SGCZ: variants seen among roughly 807,000 people sequenced by gnomAD.
SGCZ encodes zeta-sarcoglycan.
Under a neutral mutation model 41.3 loss-of-function variants are expected in SGCZ, and 40 were observed. The observed-to-expected ratio is 0.97, with a 90% CI of 0.75 to 1.26. The LOEUF is 1.26. SGCZ is among the 50% of genes most tolerant of loss of function. The pLI is 0.00. For synonymous variants in SGCZ, 206 were observed against 137.5 expected, an observed-to-expected ratio of 1.50 and a Z score of -3.49; for missense variants, 552 against 369.8, an observed-to-expected ratio of 1.49 and a Z score of -4.04.
At chr8:15,114,745 G>GTT (rs1010724118) in intron 1 of SGCZ, among the ~76,000 whole-genome samples, 5 of 149,238 alleles carry the variant, frequency 3.4e-5, no homozygotes, top group African/African-American at 1.2e-4. Flanking sequence ...AGATACAAGC[G>GTT]TTTTCTTTTT....
intron 1 of SGCZ, among the ~76,000 whole-genome samples, chr8:14,811,917 T>C (rs1801749684): frequency 6.6e-6 from 1 of 152,170 alleles, no homozygotes; most frequent in East Asian, 1.9e-4. Context: ...TAAGTAATTA[T>C]AACTATTTTC....
At chr8:14,557,657 C>A (rs1804074335) in intron 1 of SGCZ, among the ~76,000 whole-genome samples, 1 of 151,934 alleles carries the variant, frequency 6.6e-6, no homozygotes, top group South Asian at 2.1e-4. Context: ...TGCCAATTAC[C>A]CCCACACCAT....
intron 1 of SGCZ, among the ~76,000 whole-genome samples, chr8:14,676,885 T>A (rs1808295511): frequency 6.6e-6 from 1 of 152,178 alleles, no homozygotes; most frequent in Non-Finnish European, 1.5e-5. Context: ...CTACCAGATT[T>A]ACTGCAAAGA....
intron 2 of SGCZ, among the ~76,000 whole-genome samples, chr8:14,377,357 T>C (rs1464650888): frequency 6.6e-6 from 1 of 152,148 alleles, no homozygotes; most frequent in African/African-American, 2.4e-5. Context: ...TTGCCCTATG[T>C]GTCTCCTTCA....
intron 2 of SGCZ, among the ~76,000 whole-genome samples, chr8:14,360,332 A>T (rs1209130888): frequency 3.4e-5 from 5 of 146,850 alleles, no homozygotes; most frequent in African/African-American, 1.0e-4. Flanking sequence ...AAAATTTGTA[A>T]TTTTTTTTTT....
intron 1 of SGCZ, among the ~76,000 whole-genome samples, chr8:14,580,027 G>C (rs1477460568): frequency 6.6e-6 from 1 of 152,214 alleles, no homozygotes; most frequent in Non-Finnish European, 1.5e-5. Context: ...CTGAAGGCCT[G>C]TTTGGCTGAA....
chr8:14,261,681 A>G (rs1189987202), intron 3 of SGCZ, among the ~76,000 whole-genome samples: 2 of 152,174 alleles, frequency 1.3e-5, no homozygotes, highest in Admixed American at 1.3e-4. Flanking sequence ...ATACCAACCA[A>G]GCAATGTAAA....
chr8:14,582,380 A>G (rs1804919969), intron 1 of SGCZ, among the ~76,000 whole-genome samples: 1 of 152,118 alleles, frequency 6.6e-6, no homozygotes, highest in Non-Finnish European at 1.5e-5. Context: ...TTACAAATGA[A>G]GTGTGTATTT....
chr8:15,214,161 C>T lies in SGCZ; in HGVS notation c.39+23424G>A, dbSNP rs569524114. On this transcript the variant is annotated intron_variant, in intron 1 of 7. Transcript: ENST00000382080. ...AATTTTTATATAATAATAAGTTAGGCACCAAAAGTGGCATTGAAATATTTA... is the reference window on the plus strand; with the variant it reads ...AATTTTTATATAATAATAAGTTAGGTACCAAAAGTGGCATTGAAATATTTA... Among the ~76,000 whole-genome samples the T allele has an allele frequency of 6.6e-5, 10 of 151,944 alleles. No homozygotes were observed. The South Asian group carries it at 2.1e-3, about 31-fold the overall frequency.
At chr8:14,949,492 C>T (rs1279472395) in intron 1 of SGCZ, among the ~76,000 whole-genome samples, 2 of 152,024 alleles carry the variant, frequency 1.3e-5, no homozygotes, top group Admixed American at 6.6e-5. Flanking sequence ...TTGTCTAGAG[C>T]ATGAAGATTT....
chr8:14,202,425 G>A (rs1208181010), intron 4 of SGCZ, among the ~76,000 whole-genome samples: 1 of 151,934 alleles, frequency 6.6e-6, no homozygotes, highest in African/African-American at 2.4e-5. Context: ...TAAGTTTGTG[G>A]TAATTTGTTG....
intron 1 of SGCZ, among the ~76,000 whole-genome samples, chr8:15,039,432 A>C (rs1415453589): frequency 6.6e-6 from 1 of 152,166 alleles, no homozygotes; most frequent in Non-Finnish European, 1.5e-5. Context: ...CCAACTCAGA[A>C]GTAGAGAATA....
At chr8:14,408,068 G>C (rs1799260199) in intron 2 of SGCZ, among the ~76,000 whole-genome samples, 1 of 152,120 alleles carries the variant, frequency 6.6e-6, no homozygotes, top group Non-Finnish European at 1.5e-5. Context: ...GAATTAATGG[G>C]AATTCACTTC....
intron 1 of SGCZ, among the ~76,000 whole-genome samples, chr8:14,727,971 C>T (rs1036486220): frequency 6.6e-5 from 10 of 152,078 alleles, no homozygotes; most frequent in Admixed American, 5.9e-4. Context: ...GTAAAAAATA[C>T]TCTGAAACAA....
intron 4 of SGCZ, among the ~76,000 whole-genome samples, chr8:14,206,669 T>C (rs1805626093): frequency 6.6e-6 from 1 of 152,208 alleles, no homozygotes; most frequent in Non-Finnish European, 1.5e-5. Context: ...ATTCTGTTTA[T>C]ATAACAAGCA....
chr8:15,201,071 C>T (rs1800873566), intron 1 of SGCZ, among the ~76,000 whole-genome samples: 1 of 152,196 alleles, frequency 6.6e-6, no homozygotes, highest in Admixed American at 6.5e-5. Flanking sequence ...GGCTGGAGTG[C>T]AGTGGCACCA....
intron 3 of SGCZ, among the ~76,000 whole-genome samples, chr8:14,292,251 C>T (rs1370342795): frequency 2.0e-5 from 3 of 151,896 alleles, no homozygotes; most frequent in Non-Finnish European, 4.4e-5. Flanking sequence ...AATTGTAGTA[C>T]ATATACAAGT....
rs374234117 is a variant in SGCZ at position 15,159,453 on chromosome 8, T to G, written c.39+78132A>C. Among the ~76,000 whole-genome samples the G allele has an allele frequency of 5.9e-3, 899 of 152,240 alleles. 11 individuals carry two copies. Among genetic ancestry groups the G allele is most frequent in the African/African-American group, 0.021 (855 of 41,550 alleles). ...CAGAAGTTCCTGAGGCTTGGGCTTG[T>G]GACTGGCATCCAAAGCTGGGGAGCA... On this transcript the variant is annotated intron_variant, in intron 1 of 7. Transcript: ENST00000382080.
intron 2 of SGCZ, among the ~76,000 whole-genome samples, chr8:14,470,993 T>C (rs73520912): frequency 0.012 from 1,804 of 152,258 alleles, 41 homozygotes; most frequent in African/African-American, 0.042. Flanking sequence ...TACCCTAAGT[T>C]AACTGAAGGA....
Sources: allele counts gnomAD v4.1 joint callset (sites outside exome capture counted in the v4.1 genomes callset), GRCh38; gene constraint gnomAD v4.1.1; transcripts MANE v1.5; gene names NCBI Gene and HGNC (gene_info 2026-07-23, HGNC 2026-07-21).